The following NEDD8 variants were observed in gnomAD, a reference collection of about 807,000 sequenced individuals.
The protein encoded by NEDD8 is ubiquitin-like protein NEDD8.
A neutral mutation model predicts 13.8 loss-of-function variants in NEDD8; 1 was observed. The ratio of observed to expected loss-of-function variants is 0.07; its 90% CI spans 0.03 to 0.34. The LOEUF (loss-of-function observed/expected upper bound fraction) is 0.34. Ranked by LOEUF, NEDD8 falls within the 10% of genes least tolerant of loss-of-function variation. NEDD8 has a pLI of 0.99. For missense variants in NEDD8, 10 were observed against 95.2 expected, an observed-to-expected ratio of 0.10 and a Z score of 3.73; for synonymous variants, 31 against 33.2, an observed-to-expected ratio of 0.93 and a Z score of 0.23.
intron 1 of NEDD8, 153 bp downstream of exon 1, chr14:24,232,097 C>A: frequency 8.3e-7 from 1 of 1,211,644 alleles, no homozygotes; most frequent in Non-Finnish European, 1.1e-6. Flanking sequence ...CTTCTGGGTC[C>A]CCCTATTTCC....
At position 24,217,144 on chromosome 14, in the gene NEDD8, C is replaced by T. The variant is rs755753546; in HGVS notation, c.229G>A (p.Gly77Ser). The T allele has an allele frequency of 6.2e-7, 1 of 1,613,034 alleles. No homozygotes were observed. Among genetic ancestry groups the T allele is most frequent in the East Asian group, 2.2e-5 (1 of 44,876 alleles). Residue 77 changes from glycine (G) to serine (S), a missense_variant, in exon 4 of 4, where the codon GGT (glycine) becomes AGT (serine). By Grantham distance (56) the Gly-to-Ser change is moderately conservative (BLOSUM62 0). Transcript: ENST00000250495. ...LHLVLALRGGGGLRQ is the reference protein window; with the variant it reads ...LHLVLALRGGSGLRQ Reference sequence around the variant, plus strand: ...AGGGTCCATCACTGCCTAAGACCACCTCCTCCTCTCAGAGCCAACACCAGG... The same window carrying T: ...AGGGTCCATCACTGCCTAAGACCACTTCCTCCTCTCAGAGCCAACACCAGG...
chr14:24,218,492 A>T, intron 1 of NEDD8, 61 bp from the exon 2 acceptor site: 1 of 1,612,678 alleles, frequency 6.2e-7, no homozygotes, highest in Non-Finnish European at 8.5e-7. Flanking sequence ...TCTTCTAGGT[A>T]AAACATCCTA....
chr14:24,227,051 A>AC (rs1199702965), intron 1 of NEDD8: 6 of 152,364 alleles, frequency 3.9e-5, no homozygotes, highest in South Asian at 2.1e-4. Context: ...ATGCAGAATG[A>AC]AAGAAGCCAG....
intron 1 of NEDD8, among the ~76,000 whole-genome samples, chr14:24,229,984 C>T (rs998598965): frequency 1.3e-5 from 2 of 151,332 alleles, no homozygotes; most frequent in Admixed American, 1.3e-4. Context: ...GCAGGAGAAT[C>T]GCTTGAACCC....
At position 24,219,474 on chromosome 14, in the gene NEDD8, G is replaced by C. The variant is rs1247999435; in HGVS notation, c.19-1043C>G. Among the ~76,000 whole-genome samples the C allele has an allele frequency of 1.9e-4, 6 of 31,324 alleles. No homozygotes were observed. In the East Asian group the frequency reaches 4.4e-3, roughly 23 times the overall value. 20.5% of individuals were successfully genotyped at this position (31,324 alleles called of 152,430 possible). On this transcript the variant is annotated intron_variant, in intron 1 of 3. Coordinates refer to ENST00000250495, the MANE Select transcript of NEDD8 (RefSeq NM_006156.3). ...GTACTCCAGCCTGGGCAACACCCTCGCAAAAAAAAAAAAAAAAAAAAAAAA... is the reference window on the plus strand; with the variant it reads ...GTACTCCAGCCTGGGCAACACCCTCCCAAAAAAAAAAAAAAAAAAAAAAAA...
intron 1 of NEDD8, among the ~76,000 whole-genome samples, chr14:24,222,441 G>C (rs2039823535): frequency 2.0e-5 from 3 of 152,172 alleles, no homozygotes. Context: ...AACTTGAGCA[G>C]TGGAATTATG....
chr14:24,229,237 T>A (rs898453396), intron 1 of NEDD8, among the ~76,000 whole-genome samples: 1 of 152,230 alleles, frequency 6.6e-6, no homozygotes, highest in African/African-American at 2.4e-5. Flanking sequence ...TTATTTATTT[T>A]TTGAGACAGT....
chr14:24,227,974 T>C (rs2039921500), intron 1 of NEDD8: 1 of 152,284 alleles, frequency 6.6e-6, no homozygotes, highest in Non-Finnish European at 1.5e-5. Flanking sequence ...CATGTACCTG[T>C]AGTCCCAGCT....
At chr14:24,232,167 G>A in intron 1 of NEDD8, 83 bp downstream of exon 1, 3 of 1,604,232 alleles carry the variant, frequency 1.9e-6, no homozygotes, top group African/African-American at 1.3e-5. Context: ...GGAAAGGCGT[G>A]GTTTTCCTTC....
Position 24,218,451 on chromosome 14 carries a change from C to T in NEDD8, c.19-20G>A. On this transcript the variant is annotated intron_variant, in intron 1 of 3. Transcript: ENST00000250495. ...CAGCGTCTGAAACAGGCAATGGTTT[C>T]ATGAGTCCTTAAAGCCCAATGTACA... 1 of 1,614,242 alleles carries T rather than the reference C, an allele frequency of 6.2e-7. No individual in the cohort carries two copies.
At chr14:24,218,452 A>G (rs1477972634) in intron 1 of NEDD8, 21 bp from the exon 2 acceptor site, 4 of 1,614,142 alleles carry the variant, frequency 2.5e-6, no homozygotes, top group Non-Finnish European at 1.7e-6. Flanking sequence ...CAATGGTTTC[A>G]TGAGTCCTTA....
chr14:24,228,710 A>C (rs1464944778), intron 1 of NEDD8: 1 of 120,846 alleles, frequency 8.3e-6, no homozygotes, highest in Non-Finnish European at 1.8e-5. Context: ...ACAGAGTGAG[A>C]ACCTGTCTCA....
chr14:24,228,260 G>A (rs1219092022), intron 1 of NEDD8: 1 of 152,072 alleles, frequency 6.6e-6, no homozygotes, highest in East Asian at 1.9e-4. Context: ...GGGTATGGTG[G>A]TGGGCACTTG....
intron 1 of NEDD8, among the ~76,000 whole-genome samples, chr14:24,224,165 G>A (rs2039853624): frequency 1.3e-5 from 2 of 152,142 alleles, no homozygotes; most frequent in Admixed American, 6.5e-5. Context: ...TCCTGACCTT[G>A]TGATCCGCCC....
At chr14:24,224,249 A>T (rs926149591) in intron 1 of NEDD8, among the ~76,000 whole-genome samples, 3 of 151,934 alleles carry the variant, frequency 2.0e-5, no homozygotes, top group Non-Finnish European at 4.4e-5. Flanking sequence ...TTTTTAGTAG[A>T]GATGGGGTTT....
At chr14:24,220,706 A>G (rs1395248782) in intron 1 of NEDD8, among the ~76,000 whole-genome samples, 1 of 152,244 alleles carries the variant, frequency 6.6e-6, no homozygotes, top group East Asian at 1.9e-4. Context: ...TGAGATATGG[A>G]CTATTACTAT....
At chr14:24,225,490 CAT>C (rs1312406541) in intron 1 of NEDD8, among the ~76,000 whole-genome samples, 4 of 152,012 alleles carry the variant, frequency 2.6e-5, no homozygotes, top group Non-Finnish European at 4.4e-5. Context: ...GTAGGAATAA[CAT>C]ATGCTATGCT....
At chr14:24,226,229 C>G (rs367893569) in intron 1 of NEDD8, among the ~76,000 whole-genome samples, 1 of 151,916 alleles carries the variant, frequency 6.6e-6, no homozygotes, top group Non-Finnish European at 1.5e-5. Context: ...CAGTGGCTCA[C>G]GCTTGTAATC....
In NEDD8 at chr14:24,217,236, G is replaced by A; in HGVS notation, c.150-13C>T. 6.3e-7 allele frequency: 1 copy of A among 1,595,692 alleles called. No homozygotes were observed. The highest frequency in any genetic ancestry group is 8.5e-7 in the Non-Finnish European group (1 of 1,172,114). On this transcript the variant is annotated splice_polypyrimidine_tract_variant and intron_variant, in intron 3 of 3. Coordinates refer to ENST00000250495, the MANE Select transcript of NEDD8 (RefSeq NM_006156.3). ...CTTCTCATCATTCCTGCAGGAAAAGGAAGCCAGAAAAAAAAGAAAAAGAAG... is the reference window on the plus strand; with the variant it reads ...CTTCTCATCATTCCTGCAGGAAAAGAAAGCCAGAAAAAAAAGAAAAAGAAG...
Sources: allele counts gnomAD v4.1 joint callset (sites outside exome capture counted in the v4.1 genomes callset), GRCh38; gene constraint gnomAD v4.1.1; transcripts MANE v1.5; gene names NCBI Gene and HGNC (gene_info 2026-07-23, HGNC 2026-07-21).